Variants in MBNL2 observed in about 807,000 individuals in gnomAD.
MBNL2 encodes muscleblind-like protein 2.
In MBNL2, 17 loss-of-function variants were observed where a neutral mutation model predicts 41.9. That is an observed-to-expected ratio of 0.41 (90% CI 0.28 to 0.61). The LOEUF (loss-of-function observed/expected upper bound fraction) is 0.61, where lower values mean the gene tolerates loss of function less well. Ranked by LOEUF, MBNL2 falls within the 20% of genes least tolerant of loss-of-function variation. MBNL2 has a pLI of 0.35. For missense variants in MBNL2, 336 were observed against 505.6 expected (o/e 0.66, Z 3.22); for synonymous variants, 195 against 182.9 (o/e 1.07, Z -0.53).
At chr13:97,191,354 A>G in the MBNL2 span, among the ~76,000 whole-genome samples, 7 of 149,562 alleles carry the variant, frequency 4.7e-5, no homozygotes, top group African/African-American at 1.7e-4. Flanking sequence ...CAGTAAGCAC[A>G]CTAGATGAAC....
the MBNL2 span, among the ~76,000 whole-genome samples, chr13:97,184,378 C>T: frequency 6.6e-6 from 1 of 152,130 alleles, no homozygotes; most frequent in South Asian, 2.1e-4. Context: ...CTTACTGCTC[C>T]CTGGGTTCCA....
chr13:97,291,919 T>TAAAAAAAAAAA (rs1594165236), intron 2 of MBNL2, among the ~76,000 whole-genome samples: 4 of 23,642 alleles, frequency 1.7e-4, no homozygotes, highest in African/African-American at 6.4e-4. Context: ...AAAAAAAAAG[T>TAAAAAAAAAAA]GGGCTGGGTG....
At chr13:97,246,431 A>T (rs2152826956) in intron 1 of MBNL2, among the ~76,000 whole-genome samples, 1 of 152,320 alleles carries the variant, frequency 6.6e-6, no homozygotes, top group African/African-American at 2.4e-5. Flanking sequence ...TTTAAAACCT[A>T]AAAAAGTGAA....
chr13:97,383,029 G>A (rs1391236748), intron 8 of MBNL2, among the ~76,000 whole-genome samples: 2 of 152,156 alleles, frequency 1.3e-5, no homozygotes, highest in Admixed American at 6.5e-5. Context: ...GAAAGGGCCA[G>A]GAAAGAAAAG....
chr13:97,377,815 A>G (rs1269758163), intron 8 of MBNL2, among the ~76,000 whole-genome samples: 1 of 152,250 alleles, frequency 6.6e-6, no homozygotes, highest in Admixed American at 6.5e-5. Flanking sequence ...GAATGAGAAG[A>G]AAAATTCCAT....
At chr13:97,321,603 T>C (rs369185732) in intron 2 of MBNL2, among the ~76,000 whole-genome samples, 1 of 152,212 alleles carries the variant, frequency 6.6e-6, no homozygotes, top group East Asian at 1.9e-4. Flanking sequence ...TAGCCCTGGT[T>C]GACTTTAACA....
chr13:97,297,379 A>G (rs2057159105), intron 2 of MBNL2, among the ~76,000 whole-genome samples: 1 of 152,150 alleles, frequency 6.6e-6, no homozygotes, highest in African/African-American at 2.4e-5. Flanking sequence ...GTCCTGGAGT[A>G]TGGTAAGATC....
chr13:97,291,603 T>A (rs2055993569), intron 2 of MBNL2, among the ~76,000 whole-genome samples: 1 of 151,896 alleles, frequency 6.6e-6, no homozygotes, highest in African/African-American at 2.4e-5. Flanking sequence ...GCATCAAGAG[T>A]GATTGCTTGG....
intron 7 of MBNL2, among the ~76,000 whole-genome samples, chr13:97,360,354 T>C (rs200324145): frequency 1.1e-3 from 169 of 152,156 alleles, no homozygotes; most frequent in East Asian, 3.5e-3. Context: ...TCCCAAACTA[T>C]GCTAAGATAA....
chr13:97,373,885 ATAATT>A (rs1306559326), intron 8 of MBNL2, among the ~76,000 whole-genome samples: 1 of 151,954 alleles, frequency 6.6e-6, no homozygotes, highest in Non-Finnish European at 1.5e-5. Flanking sequence ...TTTTTCATGA[ATAATT>A]TACACCTCTT....
intron 2 of MBNL2, among the ~76,000 whole-genome samples, chr13:97,329,826 A>AAC (rs60899519): frequency 0.26 from 39,276 of 149,358 alleles, 5,284 homozygotes; most frequent in Non-Finnish European, 0.3. Flanking sequence ...ATACACATGC[A>AAC]ACACACACAC....
Position 97,391,775 on chromosome 13 carries a change from G to A in MBNL2, c.*326G>A, listed in dbSNP as rs1370047880. On this transcript the variant is annotated 3_prime_UTR_variant, in exon 9 of 9. Transcript: ENST00000679496. ...GTTAAAAAAGAAACATATTCCAAGG[G>A]CAGGTTCGATTCTAGCTCTAATTAC... 4.7e-6 allele frequency: 1 copy of A among 213,862 alleles called. No homozygotes were observed. The highest frequency in any genetic ancestry group is 2.4e-5 in the African/African-American group (1 of 42,456). 13.2% of individuals were successfully genotyped at this position (213,862 alleles called of 1,614,324 possible). A position where few individuals can be genotyped will look rare whatever the true frequency, so the allele number is the denominator to read the frequency against.
At chr13:97,159,088 G>A in the MBNL2 span, among the ~76,000 whole-genome samples, 70,474 of 151,504 alleles carry the variant, frequency 0.47, 19,749 homozygotes, top group Non-Finnish European at 0.62. Flanking sequence ...TCCTGTATTG[G>A]GTGCATATAT....
At chr13:97,233,216 A>ATC (rs1006241428) in intron 1 of MBNL2, among the ~76,000 whole-genome samples, 1 of 134,992 alleles carries the variant, frequency 7.4e-6, no homozygotes, top group African/African-American at 2.8e-5. Flanking sequence ...CATGTGCACA[A>ATC]CATGCAGGTT....
the MBNL2 span, chr13:97,172,914 AT>A: frequency 8.1e-3 from 1,237 of 152,286 alleles, 16 homozygotes; most frequent in African/African-American, 0.028. Flanking sequence ...TCGAAAAAAA[AT>A]ATATAGATAT....
At chr13:97,262,771 A>G (rs549183382) in intron 1 of MBNL2, among the ~76,000 whole-genome samples, 1 of 151,130 alleles carries the variant, frequency 6.6e-6, no homozygotes, top group East Asian at 2.0e-4. Context: ...TTTTTTTTTA[A>G]TAATTTTTTT....
At chr13:97,206,061 A>G in the MBNL2 span, among the ~76,000 whole-genome samples, 1 of 152,210 alleles carries the variant, frequency 6.6e-6, no homozygotes, top group East Asian at 1.9e-4. Context: ...TATTAAATCA[A>G]TCAATATAAA....
At chr13:97,233,161 ATATATATATATAT>A (rs2042678448) in intron 1 of MBNL2, among the ~76,000 whole-genome samples, 1 of 99,804 alleles carries the variant, frequency 1.0e-5, no homozygotes, top group Non-Finnish European at 2.0e-5. Flanking sequence ...ATATATATAT[ATATATATATATAT>A]ATCTTTTTAT....
chr13:97,143,694 C>A, the MBNL2 span, among the ~76,000 whole-genome samples: 1 of 152,182 alleles, frequency 6.6e-6, no homozygotes, highest in Non-Finnish European at 1.5e-5. Flanking sequence ...TTCATTCTAA[C>A]TATGATTGAT....
Sources: gnomAD v4.1 joint callset for allele counts (sites outside exome capture counted in the v4.1 genomes callset) on GRCh38, gnomAD v4.1.1 for gene constraint, MANE v1.5 for transcripts, NCBI Gene and HGNC (gene_info 2026-07-23, HGNC 2026-07-21) for gene names.